The following BRWD1 variants were observed in gnomAD, a reference collection of about 807,000 sequenced individuals.
The protein encoded by BRWD1 is bromodomain and WD repeat-containing protein 1.
In BRWD1, 82 loss-of-function variants were observed where a neutral mutation model predicts 251.2. The observed-to-expected ratio is 0.33, with a 90% confidence interval of 0.27 to 0.39. The LOEUF is 0.39. Among genes scored for constraint, BRWD1 ranks in the 10% least tolerant of loss-of-function variants. The probability of loss-of-function intolerance (pLI) is 1.00; values close to 1 mark genes in which losing one functional copy is unlikely to be tolerated. For synonymous variants in BRWD1, 918 were observed against 902.8 expected (o/e 1.02, Z -0.30); for missense variants, 2,233 against 2,711.6 (o/e 0.82, Z 3.92).
At chr21:39,312,971 GGGCGGGCGGCGGGCGGCGGGC>G in intron 3 of BRWD1, 71 bp from the exon 4 acceptor site, 1 of 622,650 alleles carries the variant, frequency 1.6e-6, no homozygotes, top group Non-Finnish European at 2.1e-6. Context: ...GGGGGGCCGG[GGGCGGGCGGCGGGCGGCGGGC>G]GGGGGGCGCG....
chr21:39,282,369 G>A (rs934777018), intron 8 of BRWD1, among the ~76,000 whole-genome samples: 6 of 152,210 alleles, frequency 3.9e-5, no homozygotes, highest in Middle Eastern at 3.4e-3. Flanking sequence ...TTTTAATGTT[G>A]AAAGTGATTG....
intron 15 of BRWD1, among the ~76,000 whole-genome samples, chr21:39,268,094 ATCT>A (rs2034982434): frequency 1.3e-5 from 2 of 152,216 alleles, no homozygotes; most frequent in South Asian, 4.1e-4. Flanking sequence ...CCATTGGAAA[ATCT>A]TCAATGGATC....
chr21:39,278,252 A>G (rs115500544), intron 10 of BRWD1, among the ~76,000 whole-genome samples: 433 of 152,276 alleles, frequency 2.8e-3, no homozygotes, highest in African/African-American at 0.01. Context: ...ACAATTCTAC[A>G]TACCTAACCC....
In BRWD1 at chr21:39,195,341, T is replaced by TA. The variant is rs1322836808; in HGVS notation, c.*917dup. 1.2e-5 allele frequency: 12 copies of TA among 997,960 alleles called. No individual in the cohort carries two copies. Among genetic ancestry groups the TA allele is most frequent in the Non-Finnish European group, 1.4e-5 (12 of 838,092 alleles). 61.8% of individuals were successfully genotyped at this position (997,960 alleles called of 1,614,324 possible). A position where few individuals can be genotyped will look rare whatever the true frequency, so the allele number is the denominator to read the frequency against. ...CTACATATTAACTTAAATACTCTTT[T>TA]AGCCCTGTACACTCTATTAAAGAAC... is the stretch of plus-strand genomic sequence containing the variant. On this transcript the variant is annotated 3_prime_UTR_variant, in exon 41 of 41. Transcript: ENST00000342449.
Position 39,193,261 on chromosome 21 carries a change from CATT to C in BRWD1, c.*2995_*2997del, listed in dbSNP as rs574457230. 2 of 984,948 alleles carry C rather than the reference CATT, an allele frequency of 2.0e-6. No individual in the cohort carries two copies. Among genetic ancestry groups the C allele is most frequent in the South Asian group, 4.7e-5 (1 of 21,284 alleles). 61.0% of individuals were successfully genotyped at this position (984,948 alleles called of 1,614,324 possible). On this transcript the variant is annotated 3_prime_UTR_variant, in exon 41 of 41. Transcript: ENST00000342449. ...TACAAGCTGTGAGTAACTGCTATAT[CATT>C]GTTTCCAAGGATTAATAAACTGAGA...
chr21:39,227,921 G>A (rs1460370461), intron 27 of BRWD1, among the ~76,000 whole-genome samples: 2 of 152,118 alleles, frequency 1.3e-5, no homozygotes, highest in African/African-American at 4.8e-5. Flanking sequence ...CTAGCCTATA[G>A]TCAAGGAGTG....
upstream of BRWD1, among the ~76,000 whole-genome samples, chr21:39,315,462 C>T (rs1334799949): frequency 1.3e-5 from 2 of 151,818 alleles, no homozygotes. Context: ...GTGAAACCCC[C>T]GTCTCTACTA....
At chr21:39,213,687 T>TC (rs1445100926) in intron 32 of BRWD1, 134 bp from the exon 33 acceptor site, 2 of 562,612 alleles carry the variant, frequency 3.6e-6, no homozygotes, top group Non-Finnish European at 6.1e-6. Context: ...TATCAGGTTT[T>TC]CCCCCAACCC....
chr21:39,203,232 AT>A (rs2032198221), intron 37 of BRWD1, among the ~76,000 whole-genome samples: 1 of 152,124 alleles, frequency 6.6e-6, no homozygotes, highest in Non-Finnish European at 1.5e-5. Context: ...AGGTGGATAA[AT>A]TGAAGCCAGG....
At chr21:39,314,772 T>G (rs1351835467), upstream of BRWD1, 3 of 185,272 alleles carry the variant, frequency 1.6e-5, no homozygotes, top group Non-Finnish European at 3.5e-5. Context: ...CGGGTCAGAC[T>G]CTAGGGCAGG....
At chr21:39,302,019 G>A (rs1463139350) in intron 4 of BRWD1, among the ~76,000 whole-genome samples, 18 of 118,636 alleles carry the variant, frequency 1.5e-4, no homozygotes, top group Admixed American at 7.3e-4. Flanking sequence ...GTCTTGCTCC[G>A]TGGTCCAGGC....
In BRWD1 at chr21:39,189,878, G is replaced by A. The variant is rs1419950841; in HGVS notation, c.*6381C>T. The A allele has an allele frequency of 3.0e-6, 3 of 985,202 alleles. No individual in the cohort carries two copies. Among genetic ancestry groups the A allele is most frequent in the East Asian group, 2.3e-4 (2 of 8,824 alleles). The allele number at this position is 985,202 out of a possible 1,614,324, so 61.0% of individuals were successfully genotyped here. ...GCTGCTCTAACAATGCATTTGTGAT[G>A]GTGCCATGTGATACTAAGAAGTCAG... On this transcript the variant is annotated 3_prime_UTR_variant, in exon 41 of 41. Transcript: ENST00000342449.
chr21:39,285,952 G>A (rs1009137126), intron 8 of BRWD1, among the ~76,000 whole-genome samples: 8 of 145,628 alleles, frequency 5.5e-5, no homozygotes, highest in African/African-American at 1.5e-4. Flanking sequence ...ATCTCTTCCT[G>A]TATGCTCACT....
In BRWD1 at chr21:39,224,404, A is replaced by G. The variant is rs745850014; in HGVS notation, c.3382+4T>C. 1.9e-6 allele frequency: 3 copies of G among 1,544,246 alleles called. No individual in the cohort carries two copies. Among genetic ancestry groups the G allele is most frequent in the African/African-American group, 2.7e-5 (2 of 73,190 alleles). On this transcript the variant is annotated splice_donor_region_variant and intron_variant, in intron 29 of 40. Coordinates refer to ENST00000342449, the MANE Select transcript of BRWD1 (RefSeq NM_033656.4). ...TGTTTTCATTATTTAACAAATATAT[A>G]TACCATTATCAGGAATTGGTTCCAT... is the stretch of plus-strand genomic sequence containing the variant.
At chr21:39,312,665 C>A in intron 4 of BRWD1, 176 bp downstream of exon 4, 2 of 431,528 alleles carry the variant, frequency 4.6e-6, no homozygotes, top group Non-Finnish European at 8.5e-6. Flanking sequence ...CCAAAACAAA[C>A]CTGGCCGCCT....
intron 23 of BRWD1, among the ~76,000 whole-genome samples, chr21:39,233,950 G>A (rs528770349): frequency 5.9e-5 from 9 of 152,330 alleles, no homozygotes; most frequent in African/African-American, 2.2e-4. Context: ...AACACGGGAG[G>A]TGGAGGTTGC....
upstream of BRWD1, chr21:39,317,224 A>G (rs1601531241): frequency 1.3e-5 from 2 of 152,344 alleles, no homozygotes; most frequent in East Asian, 3.9e-4. Context: ...GAATCTGTGT[A>G]TTCCTCACAC....
At chr21:39,296,648 G>T in intron 5 of BRWD1, 1 of 930,962 alleles carries the variant, frequency 1.1e-6, no homozygotes, top group Non-Finnish European at 1.3e-6. Context: ...ACAACCCTGT[G>T]AGGTAGGTAT....
At chr21:39,287,342 A>G (rs2146726441) in intron 8 of BRWD1, among the ~76,000 whole-genome samples, 1 of 152,276 alleles carries the variant, frequency 6.6e-6, no homozygotes, top group Non-Finnish European at 1.5e-5. Flanking sequence ...GAGGAATAAG[A>G]GATTTGTTTC....
Sources: allele counts gnomAD v4.1 joint callset (sites outside exome capture counted in the v4.1 genomes callset), GRCh38; gene constraint gnomAD v4.1.1; transcripts MANE v1.5; gene names NCBI Gene and HGNC (gene_info 2026-07-23, HGNC 2026-07-21).